Variants in CSNK2A2IP observed in about 807,000 individuals in gnomAD.
CSNK2A2IP encodes casein kinase 2 subunit alpha' interacting protein.
the CSNK2A2IP span, among the ~76,000 whole-genome samples, chr3:88,407,126 A>G: frequency 1.3e-5 from 2 of 152,178 alleles, no homozygotes; most frequent in African/African-American, 2.4e-5. Flanking sequence ...CTCAGTATCA[A>G]TAGAAAACAG....
At chr3:88,354,276 T>C in the CSNK2A2IP span, among the ~76,000 whole-genome samples, 6 of 152,338 alleles carry the variant, frequency 3.9e-5, no homozygotes, top group South Asian at 1.2e-3. Flanking sequence ...CCACTTTCAA[T>C]AGTATAGAAT....
chr3:88,376,827 A>G, the CSNK2A2IP span, among the ~76,000 whole-genome samples: 1 of 151,744 alleles, frequency 6.6e-6, no homozygotes, highest in South Asian at 2.1e-4. Context: ...ATTCCTAGTT[A>G]TTAAACCCAA....
At chr3:88,466,332 G>T in the CSNK2A2IP span, 3 of 1,231,728 alleles carry the variant, frequency 2.4e-6, no homozygotes, top group Non-Finnish European at 3.0e-6. Flanking sequence ...CTCAGTCAAT[G>T]TTTATGCTTG....
chr3:88,380,763 A>AT, the CSNK2A2IP span, among the ~76,000 whole-genome samples: 1 of 152,186 alleles, frequency 6.6e-6, no homozygotes, highest in Non-Finnish European at 1.5e-5. Flanking sequence ...AGAAAAAAAA[A>AT]TAAGTGAAAA....
the CSNK2A2IP span, among the ~76,000 whole-genome samples, chr3:88,418,463 T>TGTGCGCGC: frequency 0.034 from 5,045 of 149,592 alleles, 287 homozygotes; most frequent in African/African-American, 0.11. Flanking sequence ...TGTGTGTGTG[T>TGTGCGCGC]GCGCGCGGGC....
chr3:88,429,078 G>C, the CSNK2A2IP span, among the ~76,000 whole-genome samples: 1 of 146,510 alleles, frequency 6.8e-6, no homozygotes, highest in Non-Finnish European at 1.5e-5. Flanking sequence ...GTAAGCTATT[G>C]ATTTACTTGT....
chr3:88,425,165 G>A, the CSNK2A2IP span, among the ~76,000 whole-genome samples: 1 of 151,880 alleles, frequency 6.6e-6, no homozygotes, highest in East Asian at 1.9e-4. Flanking sequence ...ATCATAATCA[G>A]AAAAATCACA....
At chr3:88,401,485 C>A in the CSNK2A2IP span, among the ~76,000 whole-genome samples, 2 of 152,014 alleles carry the variant, frequency 1.3e-5, no homozygotes, top group African/African-American at 2.4e-5. Flanking sequence ...AAAAACTTAC[C>A]TTCTAGGGAC....
At chr3:88,420,799 A>G in the CSNK2A2IP span, among the ~76,000 whole-genome samples, 18 of 152,292 alleles carry the variant, frequency 1.2e-4, no homozygotes, top group African/African-American at 3.6e-4. Context: ...GAAGAATGCA[A>G]TATGACTATG....
At chr3:88,391,163 T>C in the CSNK2A2IP span, among the ~76,000 whole-genome samples, 46 of 152,234 alleles carry the variant, frequency 3.0e-4, no homozygotes, top group Non-Finnish European at 5.9e-4. Context: ...GATGTGTAGA[T>C]ATGTACATAT....
At chr3:88,422,004 T>C in the CSNK2A2IP span, among the ~76,000 whole-genome samples, 7 of 152,190 alleles carry the variant, frequency 4.6e-5, no homozygotes, top group African/African-American at 1.7e-4. Context: ...CTATTTAACT[T>C]GTCAAATTAG....
the CSNK2A2IP span, among the ~76,000 whole-genome samples, chr3:88,408,912 T>C: frequency 6.6e-6 from 1 of 151,936 alleles, no homozygotes; most frequent in African/African-American, 2.4e-5. Flanking sequence ...TTAGACTCCT[T>C]GAAATTTAAT....
At chr3:88,414,267 A>G in the CSNK2A2IP span, among the ~76,000 whole-genome samples, 1 of 138,276 alleles carries the variant, frequency 7.2e-6, no homozygotes, top group East Asian at 2.1e-4. Context: ...TTGTACCAAC[A>G]AAGTTTTTTT....
chr3:88,395,811 T>C, the CSNK2A2IP span, among the ~76,000 whole-genome samples: 3 of 152,330 alleles, frequency 2.0e-5, no homozygotes, highest in South Asian at 4.1e-4. Context: ...TGTACATGTC[T>C]TTCATATTTT....
At chr3:88,446,445 T>G in the CSNK2A2IP span, among the ~76,000 whole-genome samples, 1 of 152,292 alleles carries the variant, frequency 6.6e-6, no homozygotes, top group African/African-American at 2.4e-5. Context: ...CAGGGTAAGC[T>G]CTACATTTTC....
the CSNK2A2IP span, among the ~76,000 whole-genome samples, chr3:88,346,858 C>T: frequency 2.0e-5 from 3 of 151,642 alleles, no homozygotes; most frequent in South Asian, 2.1e-4. Flanking sequence ...TTTTGTGAGG[C>T]TATAGCTGCC....
chr3:88,364,209 C>T, the CSNK2A2IP span, among the ~76,000 whole-genome samples: 6 of 151,944 alleles, frequency 3.9e-5, no homozygotes, highest in African/African-American at 1.5e-4. Context: ...TCCCATCTCT[C>T]GGGGATCCCT....
At chr3:88,442,979 T>C in the CSNK2A2IP span, among the ~76,000 whole-genome samples, 18 of 152,150 alleles carry the variant, frequency 1.2e-4, no homozygotes, top group African/African-American at 4.1e-4. Flanking sequence ...ATTGCTTTAA[T>C]AATTAGTGCT....
chr3:88,458,660 T>C, the CSNK2A2IP span, among the ~76,000 whole-genome samples: 1 of 152,162 alleles, frequency 6.6e-6, no homozygotes, highest in African/African-American at 2.4e-5. Context: ...ATGTCATTAA[T>C]TTGAGAACTT....
Sources: allele counts gnomAD v4.1 joint callset (sites outside exome capture counted in the v4.1 genomes callset), GRCh38; gene constraint gnomAD v4.1.1; transcripts MANE v1.5; gene names NCBI Gene and HGNC (gene_info 2026-07-23, HGNC 2026-07-21).